NAALADL2: variants seen among roughly 807,000 people sequenced by gnomAD.
The protein encoded by NAALADL2 is N-acetylated alpha-linked acidic dipeptidase like 2, also known as inactive N-acetylated-alpha-linked acidic dipeptidase-like protein 2.
Under a neutral mutation model 87.2 loss-of-function variants are expected in NAALADL2, and 76 were observed. The ratio of observed to expected loss-of-function variants is 0.87; its 90% CI spans 0.72 to 1.05. The LOEUF (loss-of-function observed/expected upper bound fraction) is 1.05. Ranked by LOEUF, NAALADL2 falls within the 50% of genes least tolerant of loss-of-function variation. The pLI is 0.00. For synonymous variants in NAALADL2, 354 were observed against 331.0 expected (o/e 1.07, Z -0.75); for missense variants, 1,089 against 945.8 (o/e 1.15, Z -1.99).
rs144330323 is a variant in NAALADL2, at chr3:175,285,417, GTTGA to G, written c.939+28890_939+28893del. On this transcript the variant is annotated intron_variant, in intron 4 of 13. Coordinates refer to ENST00000454872, the MANE Select transcript of NAALADL2 (RefSeq NM_207015.3). ...TAAAGTAAAACAATACTGTGATATTGTTGATTATTTTCTCATTTTTAAATAAGAA... is the reference window on the plus strand; with the variant it reads ...TAAAGTAAAACAATACTGTGATATTGTTATTTTCTCATTTTTAAATAAGAA... Among the ~76,000 whole-genome samples, 725 of 152,170 alleles carry G rather than the reference GTTGA, an allele frequency of 4.8e-3. 2 individuals are homozygous for G. Among genetic ancestry groups the G allele is most frequent in the Non-Finnish European group, 6.9e-3 (470 of 67,970 alleles).
intron 1 of NAALADL2, among the ~76,000 whole-genome samples, chr3:175,032,463 G>A (rs369800593): frequency 6.6e-6 from 1 of 151,936 alleles, no homozygotes; most frequent in African/African-American, 2.4e-5. Context: ...CATGCCAGGT[G>A]TTCACCAAAT....
chr3:174,469,925 C>CT (rs1243673300), intron 1 of NAALADL2, among the ~76,000 whole-genome samples: 1 of 151,986 alleles, frequency 6.6e-6, no homozygotes, highest in African/African-American at 2.4e-5. Flanking sequence ...TTTACACAAA[C>CT]TGCTATTATA....
intron 1 of NAALADL2, among the ~76,000 whole-genome samples, chr3:174,480,885 G>A (rs1361222463): frequency 6.6e-6 from 1 of 152,004 alleles, no homozygotes; most frequent in Non-Finnish European, 1.5e-5. Context: ...AGGACTCCTT[G>A]TACATACAGG....
chr3:174,700,216 A>AT (rs1301427260), intron 2 of NAALADL2, among the ~76,000 whole-genome samples: 10 of 136,738 alleles, frequency 7.3e-5, no homozygotes, highest in African/African-American at 2.7e-4. Context: ...TAGTTTGTAG[A>AT]TTTTTTGCCA....
intron 10 of NAALADL2, among the ~76,000 whole-genome samples, chr3:175,608,438 C>T (rs115046601): frequency 0.012 from 1,839 of 151,718 alleles, 16 homozygotes; most frequent in Non-Finnish European, 0.02. Flanking sequence ...CCGTGTCCAG[C>T]GCTTTATTTA....
chr3:175,004,047 A>G (rs986549150), intron 1 of NAALADL2, among the ~76,000 whole-genome samples: 5 of 152,156 alleles, frequency 3.3e-5, no homozygotes, highest in African/African-American at 1.2e-4. Flanking sequence ...TTCTCACCTA[A>G]GAAACACACA....
chr3:175,165,948 G>A (rs1318833732), intron 2 of NAALADL2, among the ~76,000 whole-genome samples: 2 of 151,362 alleles, frequency 1.3e-5, no homozygotes, highest in Non-Finnish European at 2.9e-5. Context: ...GAATAACTAT[G>A]TGGACTTTGC....
intron 3 of NAALADL2, among the ~76,000 whole-genome samples, chr3:174,741,758 A>G (rs1395826279): frequency 6.6e-6 from 1 of 151,730 alleles, no homozygotes; most frequent in Admixed American, 6.6e-5. Flanking sequence ...CTCTTGCTAT[A>G]AATTTCAAAG....
chr3:174,689,015 T>A (rs984560058), intron 2 of NAALADL2, among the ~76,000 whole-genome samples: 1 of 151,684 alleles, frequency 6.6e-6, no homozygotes, highest in Admixed American at 6.6e-5. Flanking sequence ...AAAAAAAAAA[T>A]TATGTAATAG....
At chr3:174,642,703 T>C (rs1488878402) in intron 2 of NAALADL2, among the ~76,000 whole-genome samples, 3 of 144,668 alleles carry the variant, frequency 2.1e-5, no homozygotes, top group African/African-American at 5.1e-5. Context: ...AACATTAATA[T>C]TGTGTGACTT....
chr3:175,293,036 C>CAAAAAAAA (rs568981496), intron 4 of NAALADL2, among the ~76,000 whole-genome samples: 2 of 49,412 alleles, frequency 4.0e-5, no homozygotes, highest in African/African-American at 6.4e-5. Flanking sequence ...GACTCCGTCT[C>CAAAAAAAA]AAAAAAAAAA....
At chr3:174,983,052 C>G (rs1745334560) in intron 1 of NAALADL2, among the ~76,000 whole-genome samples, 1 of 152,156 alleles carries the variant, frequency 6.6e-6, no homozygotes, top group African/African-American at 2.4e-5. Flanking sequence ...CCTGCCTCGG[C>G]CTCCCAAAGT....
At chr3:174,548,706 T>C (rs939607257) in intron 1 of NAALADL2, among the ~76,000 whole-genome samples, 2 of 152,218 alleles carry the variant, frequency 1.3e-5, no homozygotes, top group African/African-American at 4.8e-5. Flanking sequence ...AACAATTTTC[T>C]AATTTAGGAA....
chr3:174,733,241 C>G (rs1480040804), intron 2 of NAALADL2, among the ~76,000 whole-genome samples: 2 of 152,124 alleles, frequency 1.3e-5, no homozygotes, highest in African/African-American at 4.8e-5. Context: ...CCACAAAGAA[C>G]TAATTCAGGC....
In NAALADL2 at chr3:174,829,390, T is replaced by A. The variant is rs567032084; in HGVS notation, c.-9+91644T>A. Among the ~76,000 whole-genome samples the A allele has an allele frequency of 2.4e-4, 36 of 149,834 alleles. No homozygotes were observed. The South Asian group carries it at 7.4e-3, about 31-fold the overall frequency. ...GTTTGTTTTTTTGTTCTTGCGATAG[T>A]TTACTGAGAATGATGGTTTCCAATT... On this transcript the variant is annotated intron_variant, in intron 3 of 3. Transcript: ENST00000434257.
chr3:175,265,587 T>A (rs2109949560), intron 4 of NAALADL2, among the ~76,000 whole-genome samples: 1 of 151,764 alleles, frequency 6.6e-6, no homozygotes, highest in Non-Finnish European at 1.5e-5. Flanking sequence ...AGTTTGAATT[T>A]TACTATCTGT....
chr3:175,310,998 C>A (rs1206539746), intron 4 of NAALADL2, among the ~76,000 whole-genome samples: 1 of 95,484 alleles, frequency 1.0e-5, no homozygotes, highest in African/African-American at 4.1e-5. Flanking sequence ...TTGTATGTTT[C>A]CCCCGCAATA....
At chr3:174,930,696 A>G (rs1736753059) in intron 1 of NAALADL2, among the ~76,000 whole-genome samples, 1 of 132,790 alleles carries the variant, frequency 7.5e-6, no homozygotes. Context: ...ATCTCGGCTC[A>G]CTGCAAGCTC....
intron 9 of NAALADL2, among the ~76,000 whole-genome samples, chr3:175,520,460 G>A (rs577905516): frequency 0.018 from 2,785 of 151,432 alleles, 85 homozygotes; most frequent in African/African-American, 0.064. Flanking sequence ...CACCGCGCCC[G>A]GCTAATTTTT....
Sources: gnomAD v4.1 joint callset for allele counts (sites outside exome capture counted in the v4.1 genomes callset) on GRCh38, gnomAD v4.1.1 for gene constraint, MANE v1.5 for transcripts, NCBI Gene and HGNC (gene_info 2026-07-23, HGNC 2026-07-21) for gene names.